The following UNC13C variants were observed in gnomAD, a reference collection of about 807,000 sequenced individuals.
The protein encoded by UNC13C is unc-13 homolog C, also known as protein unc-13 homolog C.
In UNC13C, 174 loss-of-function variants were observed where a neutral mutation model predicts 245.4. The observed-to-expected ratio is 0.71, with a 90% CI of 0.63 to 0.80. The LOEUF (loss-of-function observed/expected upper bound fraction) is 0.80, where lower values mean the gene tolerates loss of function less well. UNC13C is among the 30% of genes least tolerant of loss of function. The pLI is 0.00. For synonymous variants in UNC13C, 992 were observed against 895.1 expected (o/e 1.11, Z -1.93); for missense variants, 2,829 against 2,602.9 (o/e 1.09, Z -1.89).
intron 17 of UNC13C, among the ~76,000 whole-genome samples, chr15:54,358,624 G>A (rs1049338253): frequency 2.6e-5 from 4 of 151,860 alleles, no homozygotes; most frequent in African/African-American, 9.7e-5. Flanking sequence ...TGTAATTGGT[G>A]TGTAGAAATG....
chr15:54,403,846 TA>T (rs964771638), intron 18 of UNC13C, among the ~76,000 whole-genome samples: 1 of 149,604 alleles, frequency 6.7e-6, no homozygotes. Flanking sequence ...AGCAAAAAGA[TA>T]AAAAGGGTGA....
intron 30 of UNC13C, among the ~76,000 whole-genome samples, chr15:54,575,232 C>T (rs1202589154): frequency 6.6e-6 from 1 of 152,158 alleles, no homozygotes; most frequent in African/African-American, 2.4e-5. Flanking sequence ...GACGGTGTTT[C>T]ACCATGTTGG....
At chr15:54,300,003 G>A (rs550022217) in intron 12 of UNC13C, among the ~76,000 whole-genome samples, 39 of 152,196 alleles carry the variant, frequency 2.6e-4, no homozygotes, top group Middle Eastern at 6.8e-3. Flanking sequence ...TTATATCAGC[G>A]CTTTTACCCA....
intron 2 of UNC13C, among the ~76,000 whole-genome samples, chr15:54,086,660 G>T (rs1899254454): frequency 6.6e-6 from 1 of 150,862 alleles, no homozygotes; most frequent in South Asian, 2.1e-4. Context: ...GCAGCAATGT[G>T]CTACCATGGA....
intron 10 of UNC13C, among the ~76,000 whole-genome samples, chr15:54,287,999 T>A (rs1222609344): frequency 1.3e-5 from 2 of 152,216 alleles, no homozygotes. Context: ...CAGGTTTGGT[T>A]CTTTGTAGAT....
intron 13 of UNC13C, among the ~76,000 whole-genome samples, chr15:54,316,987 C>T (rs2038025169): frequency 6.6e-6 from 1 of 151,852 alleles, no homozygotes; most frequent in Non-Finnish European, 1.5e-5. Flanking sequence ...ACATCCTTAC[C>T]ATTAAGAAGA....
At chr15:54,292,778 G>A (rs1387038341) in intron 10 of UNC13C, among the ~76,000 whole-genome samples, 1 of 151,158 alleles carries the variant, frequency 6.6e-6, no homozygotes, top group Non-Finnish European at 1.5e-5. Flanking sequence ...ATCTGTGGTT[G>A]TATTGATGAC....
chr15:54,119,372 G>A (rs1470557928), intron 2 of UNC13C, among the ~76,000 whole-genome samples: 3 of 152,024 alleles, frequency 2.0e-5, no homozygotes, highest in Non-Finnish European at 4.4e-5. Context: ...AGTGATCTGT[G>A]ATCAGTGACC....
the UNC13C span, among the ~76,000 whole-genome samples, chr15:53,916,490 C>G: frequency 2.6e-5 from 4 of 152,022 alleles, no homozygotes; most frequent in Non-Finnish European, 5.9e-5. Flanking sequence ...AGAAACAAAC[C>G]AGAGAGAGAA....
At chr15:54,324,522 A>C (rs1298891848) in intron 14 of UNC13C, among the ~76,000 whole-genome samples, 2 of 152,096 alleles carry the variant, frequency 1.3e-5, no homozygotes, top group Non-Finnish European at 2.9e-5. Context: ...TTGGGTGTAC[A>C]GAAGAGATGC....
At chr15:54,238,662 CCTTTT>C (rs2035771336) in intron 7 of UNC13C, among the ~76,000 whole-genome samples, 1 of 152,152 alleles carries the variant, frequency 6.6e-6, no homozygotes. Context: ...TTTGCATACA[CCTTTT>C]CTTTTAAACT....
chr15:54,332,097 C>A lies in UNC13C; in HGVS notation c.4480C>A (p.Leu1494Met). The A allele has an allele frequency of 6.3e-7, 1 of 1,576,348 alleles. No homozygotes were observed. The highest frequency in any genetic ancestry group is 8.6e-7 in the Non-Finnish European group (1 of 1,158,904). ...GTTACATAACTCTTTGAGGATTGATCTGTCAAAGTATAGGGTATGTACAAA... is the reference window on the plus strand; with the variant it reads ...GTTACATAACTCTTTGAGGATTGATATGTCAAAGTATAGGGTATGTACAAA... The part of the protein sequence containing the change: ...DQLHNSLRID[L>M]SKYRENFPAS... The change falls in exon 15 of 33, where the codon CTG becomes ATG. Residue 1494 changes from leucine to methionine, a missense_variant. Transcript: ENST00000260323.
chr15:54,442,999 C>A (rs1413183913), intron 19 of UNC13C, among the ~76,000 whole-genome samples: 4 of 151,898 alleles, frequency 2.6e-5, no homozygotes, highest in African/African-American at 7.3e-5. Flanking sequence ...GGTATTAATT[C>A]TTCTTTATAT....
At chr15:53,871,227 C>T in the UNC13C span, among the ~76,000 whole-genome samples, 1 of 152,124 alleles carries the variant, frequency 6.6e-6, no homozygotes, top group Non-Finnish European at 1.5e-5. Flanking sequence ...CATCCCTATG[C>T]CCCCATTTTC....
the UNC13C span, among the ~76,000 whole-genome samples, chr15:53,898,043 A>C: frequency 2.6e-5 from 4 of 152,182 alleles, no homozygotes; most frequent in Non-Finnish European, 5.9e-5. Context: ...ATGCTGCTCT[A>C]TACAAATGTT....
chr15:54,050,865 T>A (rs1897244082), intron 2 of UNC13C: 1 of 562,552 alleles, frequency 1.8e-6, no homozygotes. Flanking sequence ...AAAAGAGATA[T>A]CTTCAGTCTC....
chr15:54,450,552 G>C (rs374506783), intron 19 of UNC13C, among the ~76,000 whole-genome samples: 1 of 152,202 alleles, frequency 6.6e-6, no homozygotes, highest in Non-Finnish European at 1.5e-5. Context: ...GGCTCCATGG[G>C]CTTGGGACCC....
chr15:54,318,151 A>G (rs969910654), intron 13 of UNC13C, among the ~76,000 whole-genome samples: 3 of 151,922 alleles, frequency 2.0e-5, no homozygotes, highest in African/African-American at 7.2e-5. Flanking sequence ...ACTTAGGTTG[A>G]TTCTATTCCT....
chr15:54,552,690 T>TA (rs1896858507), intron 28 of UNC13C, among the ~76,000 whole-genome samples: 1 of 84,760 alleles, frequency 1.2e-5, no homozygotes, highest in Non-Finnish European at 2.0e-5. Context: ...AATTATATAA[T>TA]TATATATTAT....
Sources: allele counts gnomAD v4.1 joint callset (sites outside exome capture counted in the v4.1 genomes callset), GRCh38; gene constraint gnomAD v4.1.1; transcripts MANE v1.5; gene names NCBI Gene and HGNC (gene_info 2026-07-23, HGNC 2026-07-21).